The following MIB1 variants were observed in gnomAD, a reference collection of about 807,000 sequenced individuals.
The protein encoded by MIB1 is E3 ubiquitin-protein ligase MIB1.
MIB1 carries 278 observed loss-of-function variants against 124.5 expected under a neutral mutation model. That is an observed-to-expected ratio of 2.23 (90% CI 2.02 to 2.47). The LOEUF is 2.47. Ranked by LOEUF, MIB1 falls within the 30% of genes most tolerant of loss-of-function variation. The pLI is 0.00. For missense variants in MIB1, 957 were observed against 1,254.4 expected (o/e 0.76, Z 3.58); for synonymous variants, 446 against 429.4 (o/e 1.04, Z -0.48).
In MIB1 at chr18:21,870,433, C is replaced by T. The variant is rs915371531; in HGVS notation, c.*5767C>T. 6.6e-6 allele frequency: 1 copy of T among 152,090 alleles called. No individual in the cohort carries two copies. The highest frequency in any genetic ancestry group is 1.5e-5 in the Non-Finnish European group (1 of 67,988). 9.4% of individuals were successfully genotyped at this position (152,090 alleles called of 1,614,324 possible). ...CAAAGAAGCATTTCATATTTTAACACCTCACATTCTTTCAGGATTAAGACA... is the reference window on the plus strand; with the variant it reads ...CAAAGAAGCATTTCATATTTTAACATCTCACATTCTTTCAGGATTAAGACA... On this transcript the variant is annotated 3_prime_UTR_variant, in exon 21 of 21. Transcript: ENST00000261537.
intron 1 of MIB1, chr18:21,712,052 C>T: frequency 5.6e-6 from 1 of 179,316 alleles, no homozygotes; most frequent in Non-Finnish European, 1.2e-5. Context: ...ACTCTGCTAG[C>T]ATTATCACAA....
intron 4 of MIB1, among the ~76,000 whole-genome samples, chr18:21,774,317 G>A (rs1017210166): frequency 6.6e-6 from 1 of 152,154 alleles, no homozygotes; most frequent in African/African-American, 2.4e-5. Flanking sequence ...GGCTGGGCAC[G>A]GTGGCTCACG....
At chr18:21,798,695 T>C (rs1386588871) in intron 8 of MIB1, among the ~76,000 whole-genome samples, 2 of 152,128 alleles carry the variant, frequency 1.3e-5, no homozygotes, top group Non-Finnish European at 2.9e-5. Context: ...TGAGTTGTTA[T>C]ACATGCTACC....
intron 3 of MIB1, among the ~76,000 whole-genome samples, chr18:21,771,844 A>C (rs914657697): frequency 1.3e-5 from 2 of 151,964 alleles, no homozygotes; most frequent in African/African-American, 2.4e-5. Flanking sequence ...AAAAAAAAAA[A>C]CGAAAATTAG....
intron 10 of MIB1, among the ~76,000 whole-genome samples, chr18:21,804,570 G>A (rs2146460471): frequency 1.3e-5 from 2 of 152,266 alleles, no homozygotes; most frequent in East Asian, 3.9e-4. Flanking sequence ...AGTCTTGACT[G>A]GGGATCTCTC....
At chr18:21,847,513 T>A (rs73963261) in intron 16 of MIB1, among the ~76,000 whole-genome samples, 4,730 of 152,244 alleles carry the variant, frequency 0.031, 246 homozygotes, top group African/African-American at 0.11. Flanking sequence ...TATTATTTTT[T>A]AAAAATACGT....
intron 11 of MIB1, 128 bp downstream of exon 11, chr18:21,815,941 T>A: frequency 1.2e-6 from 1 of 828,730 alleles, no homozygotes; most frequent in Non-Finnish European, 1.8e-6. Context: ...ACCAAAGGCG[T>A]AAGATGTTAC....
At chr18:21,750,578 C>T (rs1382564329) in intron 1 of MIB1, among the ~76,000 whole-genome samples, 3 of 152,218 alleles carry the variant, frequency 2.0e-5, no homozygotes, top group East Asian at 1.9e-4. Context: ...CCGCCCGCCT[C>T]GGCCTCCCAA....
At chr18:21,772,735 T>C (rs2041236810) in intron 3 of MIB1, among the ~76,000 whole-genome samples, 1 of 152,146 alleles carries the variant, frequency 6.6e-6, no homozygotes, top group African/African-American at 2.4e-5. Flanking sequence ...GGTGTGGGGC[T>C]TGGAGATGTT....
At chr18:21,769,714 A>T (rs1478422873) in intron 3 of MIB1, among the ~76,000 whole-genome samples, 2 of 152,166 alleles carry the variant, frequency 1.3e-5, no homozygotes, top group Non-Finnish European at 2.9e-5. Flanking sequence ...ATAGTTAATT[A>T]TATGGTCAGA....
intron 9 of MIB1, chr18:21,803,701 G>T (rs1880383975): frequency 4.8e-6 from 2 of 416,718 alleles, no homozygotes; most frequent in African/African-American, 4.0e-5. Flanking sequence ...TTTGGACAAT[G>T]AAACTTTTGT....
chr18:21,800,046 T>A (rs2041633361), intron 9 of MIB1, 72 bp downstream of exon 9: 1 of 1,271,412 alleles, frequency 7.9e-7, no homozygotes, highest in African/African-American at 1.5e-5. Context: ...CCTCAACAAT[T>A]ACTAAGATTT....
chr18:21,727,434 A>G (rs1217492651), intron 1 of MIB1, among the ~76,000 whole-genome samples: 1 of 152,142 alleles, frequency 6.6e-6, no homozygotes, highest in East Asian at 1.9e-4. Flanking sequence ...CGCCTGGCCC[A>G]CAATTTAATT....
At chr18:21,852,050 A>G (rs2042185085) in intron 17 of MIB1, among the ~76,000 whole-genome samples, 1 of 152,222 alleles carries the variant, frequency 6.6e-6, no homozygotes, top group Non-Finnish European at 1.5e-5. Flanking sequence ...TTTATATATT[A>G]CACATTGAAC....
chr18:21,832,171 TG>T (rs1278443513), intron 12 of MIB1, among the ~76,000 whole-genome samples: 2 of 152,178 alleles, frequency 1.3e-5, no homozygotes, highest in Non-Finnish European at 2.9e-5. Flanking sequence ...TTTTTTATAA[TG>T]CTTTGGTAAA....
intron 14 of MIB1, among the ~76,000 whole-genome samples, chr18:21,843,548 A>G (rs556559852): frequency 6.6e-6 from 1 of 152,310 alleles, no homozygotes; most frequent in South Asian, 2.1e-4. Context: ...TCAACTGTGC[A>G]TTTTTATTTA....
At position 21,761,866 on chromosome 18, in the gene MIB1, A is replaced by G. The variant is rs141323948; in HGVS notation, c.230-3906A>G. ...TTACCATTTTAAGGAAAGTCTTTCTAAGCACGAAGCCTCAGAAGTTACACA... is the reference window on the plus strand; with the variant it reads ...TTACCATTTTAAGGAAAGTCTTTCTGAGCACGAAGCCTCAGAAGTTACACA... On this transcript the variant is annotated intron_variant, in intron 1 of 20. Transcript: ENST00000261537. 6.5e-3 allele frequency among the ~76,000 whole-genome samples: 991 copies of G among 152,296 alleles called. 8 individuals carry two copies. The highest frequency in any genetic ancestry group is 0.01 in the Middle Eastern group (3 of 294).
In MIB1 at chr18:21,741,715, C is replaced by T. The variant is rs755953177; in HGVS notation, c.132C>T (p.Ser44=). ...TGGGCACCGTCCGGAGCTTCGAGAG[C>T]CCCGAGGAGGTGGTGGTAGTGTGGG... ...GHVGTVRSFE[S]PEEVVVVWDN... The change falls in exon 1 of 21, where the codon AGC becomes AGT. Residue 44 remains serine (S), a synonymous_variant. Coordinates refer to ENST00000261537, the MANE Select transcript of MIB1 (RefSeq NM_020774.4). The surrounding 1 kb of genome is among the most constrained non-coding windows in gnomAD (Gnocchi z 5.4). The T allele has an allele frequency of 6.2e-7, 1 of 1,611,566 alleles. No individual in the cohort carries two copies. Among genetic ancestry groups the T allele is most frequent in the South Asian group, 1.1e-5 (1 of 90,716 alleles).
At position 21,815,774 on chromosome 18, in the gene MIB1, G is replaced by A. The variant is rs761208118; in HGVS notation, c.1638G>A (p.Val546=). Reference sequence around the variant, plus strand: ...TCAATAAAGGTCATCTTCAAGTTGTGAAGACTTTATTGGACTTTGGCTGTC... The same window carrying A: ...TCAATAAAGGTCATCTTCAAGTTGTAAAGACTTTATTGGACTTTGGCTGTC... ...IAVNKGHLQV[V]KTLLDFGCHP... is the part of the protein sequence containing the mutation. Residue 546 remains valine, a synonymous_variant, in exon 11 of 21, where the codon GTG becomes GTA. Transcript: ENST00000261537. The A allele has an allele frequency of 7.4e-6, 12 of 1,614,106 alleles. No individual in the cohort carries two copies. Among genetic ancestry groups the A allele is most frequent in the Non-Finnish European group, 9.3e-6 (11 of 1,180,004 alleles).
Sources: gnomAD v4.1 joint callset for allele counts (sites outside exome capture counted in the v4.1 genomes callset) on GRCh38, gnomAD v4.1.1 for gene constraint, Gnocchi (gnomAD v3.1) non-coding constraint, MANE v1.5 for transcripts, NCBI Gene and HGNC (gene_info 2026-07-23, HGNC 2026-07-21) for gene names.